Variants in NCALD observed in about 807,000 individuals in gnomAD.
NCALD encodes the protein neurocalcin-delta.
Under a neutral mutation model 18.6 loss-of-function variants are expected in NCALD, and 10 were observed. The observed-to-expected ratio is 0.54, with a 90% CI of 0.33 to 0.91. The LOEUF is 0.91. Ranked by LOEUF, NCALD falls within the 40% of genes least tolerant of loss-of-function variation. NCALD has a pLI of 0.03. For synonymous variants in NCALD, 88 were observed against 87.4 expected (o/e 1.01, Z -0.04); for missense variants, 184 against 247.6 (o/e 0.74, Z 1.72).
chr8:101,833,610 G>GTTT (rs555031298), intron 4 of NCALD, among the ~76,000 whole-genome samples: 1,347 of 88,326 alleles, frequency 0.015, 39 homozygotes, highest in African/African-American at 0.056. Context: ...TTTGTTTCTT[G>GTTT]TTTTTTTTTT....
chr8:101,733,299 G>T (rs748194969), intron 1 of NCALD, among the ~76,000 whole-genome samples: 5 of 152,186 alleles, frequency 3.3e-5, no homozygotes, highest in Non-Finnish European at 7.3e-5. Context: ...TGCATCTTTT[G>T]CTCCCCCCAG....
intron 2 of NCALD, among the ~76,000 whole-genome samples, chr8:101,996,257 G>A (rs575519366): frequency 3.9e-5 from 6 of 152,220 alleles, no homozygotes; most frequent in Admixed American, 6.5e-5. Flanking sequence ...AGAGGACTAC[G>A]TATATAAGTT....
chr8:101,971,203 A>T (rs1001481764), intron 2 of NCALD, among the ~76,000 whole-genome samples: 32 of 152,204 alleles, frequency 2.1e-4, no homozygotes, highest in Non-Finnish European at 4.4e-4. Flanking sequence ...AGCCACACAG[A>T]ATGGACTAAG....
intron 1 of NCALD, among the ~76,000 whole-genome samples, chr8:102,093,069 T>C (rs1045212573): frequency 1.3e-5 from 2 of 151,516 alleles, no homozygotes; most frequent in Non-Finnish European, 2.9e-5. Flanking sequence ...GAGGAGGGAG[T>C]ATCACCTGAG....
intron 3 of NCALD, chr8:101,691,406 A>C: frequency 5.1e-6 from 5 of 985,340 alleles, no homozygotes; most frequent in Non-Finnish European, 6.0e-6. Flanking sequence ...TCCCAGTGGA[A>C]AGACCCTAAT....
intron 2 of NCALD, among the ~76,000 whole-genome samples, chr8:101,981,852 T>C (rs1217890389): frequency 6.6e-6 from 1 of 152,190 alleles, no homozygotes; most frequent in Non-Finnish European, 1.5e-5. Flanking sequence ...CATTCTGATA[T>C]GAACGTTTTG....
intron 1 of NCALD, among the ~76,000 whole-genome samples, chr8:102,110,355 C>T (rs929925100): frequency 1.3e-5 from 2 of 152,096 alleles, no homozygotes; most frequent in African/African-American, 4.8e-5. Context: ...CCTCACTAGT[C>T]ATCAAAGAAA....
At chr8:102,063,205 C>T (rs1341900758) in intron 1 of NCALD, among the ~76,000 whole-genome samples, 2 of 152,114 alleles carry the variant, frequency 1.3e-5, no homozygotes, top group Non-Finnish European at 2.9e-5. Flanking sequence ...AATACGGTGC[C>T]GACTGCAATG....
At chr8:101,868,572 C>T (rs1489354902) in intron 4 of NCALD, among the ~76,000 whole-genome samples, 1 of 152,194 alleles carries the variant, frequency 6.6e-6, no homozygotes, top group Non-Finnish European at 1.5e-5. Context: ...CTTTCTGCAA[C>T]CAATCAGATG....
chr8:102,061,842 T>C (rs1428158400), intron 1 of NCALD, among the ~76,000 whole-genome samples: 1 of 152,202 alleles, frequency 6.6e-6, no homozygotes, highest in Non-Finnish European at 1.5e-5. Flanking sequence ...TTTTTAGTTA[T>C]GGAACCCAGT....
In NCALD at chr8:101,937,016, T is replaced by A. The variant is rs569450077; in HGVS notation, c.-156-21158A>T. Reference sequence around the variant, plus strand: ...AATTTTAAATTTTGTTTCATAATATTTGCTACATCTTCCAACTTCTGGCAA... The same window carrying A: ...AATTTTAAATTTTGTTTCATAATATATGCTACATCTTCCAACTTCTGGCAA... On this transcript the variant is annotated intron_variant, in intron 2 of 6. Coordinates refer to the NCALD transcript ENST00000311028. Among the ~76,000 whole-genome samples the A allele has an allele frequency of 4.6e-5, 7 of 152,296 alleles. No individual in the cohort carries two copies. In the South Asian group the frequency reaches 1.0e-3, roughly 23 times the overall value.
chr8:101,864,888 G>A (rs1049748435), intron 4 of NCALD, among the ~76,000 whole-genome samples: 2 of 152,072 alleles, frequency 1.3e-5, no homozygotes, highest in Non-Finnish European at 2.9e-5. Flanking sequence ...GAGCCACCAC[G>A]CCCAGCTGGA....
At chr8:101,781,324 G>A (rs765927954) in intron 1 of NCALD, among the ~76,000 whole-genome samples, 1 of 152,092 alleles carries the variant, frequency 6.6e-6, no homozygotes, top group African/African-American at 2.4e-5. Context: ...ATAGTCTTAT[G>A]TTAGTCTTCT....
intron 1 of NCALD, among the ~76,000 whole-genome samples, chr8:101,762,618 AG>A (rs1811161376): frequency 6.8e-6 from 1 of 147,298 alleles, no homozygotes; most frequent in South Asian, 2.1e-4. Context: ...TCTGTCACCC[AG>A]GCTGGAGTAC....
rs192690421 is a variant in NCALD, at chr8:102,019,449, T to C, written c.-157+788A>G. On this transcript the variant is annotated intron_variant, in intron 2 of 6. Coordinates refer to the NCALD transcript ENST00000311028. Reference sequence around the variant, plus strand: ...TATGTATTCAACAGAAATACGTATATGTAACTAAAAACATAACAAAACTGA... The same window carrying C: ...TATGTATTCAACAGAAATACGTATACGTAACTAAAAACATAACAAAACTGA... Among the ~76,000 whole-genome samples, 348 of 152,304 alleles carry C rather than the reference T, an allele frequency of 2.3e-3. 2 individuals are homozygous for C. Among genetic ancestry groups the C allele is most frequent in the South Asian group, 3.5e-3 (17 of 4,830 alleles).
intron 3 of NCALD, among the ~76,000 whole-genome samples, chr8:101,896,313 T>A (rs922038296): frequency 3.3e-5 from 5 of 152,022 alleles, no homozygotes; most frequent in African/African-American, 7.3e-5. Flanking sequence ...GCTAGCCATA[T>A]GTAGAAAGCT....
At chr8:101,773,935 A>C (rs1811687649) in intron 1 of NCALD, among the ~76,000 whole-genome samples, 1 of 152,174 alleles carries the variant, frequency 6.6e-6, no homozygotes, top group Non-Finnish European at 1.5e-5. Flanking sequence ...ATTAAAGAGG[A>C]CTAATGTTAA....
intron 4 of NCALD, among the ~76,000 whole-genome samples, chr8:101,820,956 A>G (rs1444797039): frequency 2.0e-5 from 3 of 152,250 alleles, no homozygotes; most frequent in Admixed American, 1.3e-4. Context: ...TCAAGTATAC[A>G]GAAAACTCAT....
chr8:101,942,886 A>T (rs774169502), intron 2 of NCALD, among the ~76,000 whole-genome samples: 1 of 152,172 alleles, frequency 6.6e-6, no homozygotes, highest in South Asian at 2.1e-4. Flanking sequence ...TCCAATTACC[A>T]TCTCATATTT....
Sources: gnomAD v4.1 joint callset for allele counts (sites outside exome capture counted in the v4.1 genomes callset) on GRCh38, gnomAD v4.1.1 for gene constraint, MANE v1.5 for transcripts, NCBI Gene and HGNC (gene_info 2026-07-23, HGNC 2026-07-21) for gene names.